The following BABAM1 variants were observed in gnomAD, a reference collection of about 807,000 sequenced individuals.
The protein encoded by BABAM1 is BRISC and BRCA1 A complex member 1.
In BABAM1, 14 loss-of-function variants were observed where a neutral mutation model predicts 34.4. The ratio of observed to expected loss-of-function variants is 0.41; its 90% CI spans 0.27 to 0.64. BABAM1 has a LOEUF of 0.64. BABAM1 is among the 30% of genes least tolerant of loss of function. The pLI is 0.34. For missense variants in BABAM1, 393 were observed against 434.0 expected, an observed-to-expected ratio of 0.91 and a Z score of 0.84; for synonymous variants, 169 against 165.8, an observed-to-expected ratio of 1.02 and a Z score of -0.15.
chr19:17,279,215 A>G lies in BABAM1; in HGVS notation c.*167A>G, dbSNP rs1240819339. On this transcript the variant is annotated 3_prime_UTR_variant, in exon 9 of 9. Coordinates refer to ENST00000598188, the MANE Select transcript of BABAM1 (RefSeq NM_014173.4). ...AACCCAGGATTCCAGGAGGGATCCC[A>G]GGAACTGTGGGCACCCATTTTCTGT... 1.6e-6 allele frequency: 1 copy of G among 637,306 alleles called. No homozygotes were observed. The highest frequency in any genetic ancestry group is 2.6e-6 in the Non-Finnish European group (1 of 389,514). 39.5% of individuals were successfully genotyped at this position (637,306 alleles called of 1,614,324 possible).
intron 3 of BABAM1, among the ~76,000 whole-genome samples, chr19:17,273,177 G>T (rs1437353491): frequency 6.6e-6 from 1 of 152,228 alleles, no homozygotes; most frequent in African/African-American, 2.4e-5. Context: ...CCAGGATTCG[G>T]ACCCAGGCCT....
At chr19:17,275,018 G>C (rs976629559) in intron 5 of BABAM1, among the ~76,000 whole-genome samples, 1 of 152,058 alleles carries the variant, frequency 6.6e-6, no homozygotes, top group Non-Finnish European at 1.5e-5. Context: ...CGATTCTCCT[G>C]CCTTAGCCTC....
intron 8 of BABAM1, chr19:17,277,194 T>G: frequency 3.5e-6 from 1 of 285,468 alleles, no homozygotes; most frequent in Non-Finnish European, 6.2e-6. Flanking sequence ...TTGCTTTTCT[T>G]TCTTCTTCTT....
chr19:17,274,766 G>A (rs1395700338), intron 5 of BABAM1, among the ~76,000 whole-genome samples: 2 of 152,132 alleles, frequency 1.3e-5, no homozygotes, highest in African/African-American at 4.8e-5. Context: ...GGACATAAAA[G>A]GCTCATGTGT....
intron 3 of BABAM1, among the ~76,000 whole-genome samples, chr19:17,272,142 T>C (rs550244803): frequency 1.3e-5 from 2 of 152,130 alleles, no homozygotes; most frequent in Admixed American, 6.5e-5. Flanking sequence ...AGTTTTGCCA[T>C]GTTGGCCAGG....
At chr19:17,276,400 A>G in intron 6 of BABAM1, 95 bp from the exon 7 acceptor site, 1 of 1,536,246 alleles carries the variant, frequency 6.5e-7, no homozygotes, top group Non-Finnish European at 8.8e-7. Flanking sequence ...GTGGGGCCTC[A>G]CCTGCCCGGT....
intron 8 of BABAM1, 46 bp downstream of exon 8, chr19:17,276,955 A>G (rs1568336402): frequency 2.6e-6 from 4 of 1,514,522 alleles, no homozygotes; most frequent in Non-Finnish European, 3.6e-6. Context: ...TGTGGACAGG[A>G]TGTCTTGGAA....
At chr19:17,272,705 C>T (rs1195256491) in intron 3 of BABAM1, among the ~76,000 whole-genome samples, 3 of 151,652 alleles carry the variant, frequency 2.0e-5, no homozygotes, top group East Asian at 4.0e-4. Flanking sequence ...CGCGCCCAGC[C>T]GACCCTGTCT....
chr19:17,275,476 GAC>G (rs1321737480), intron 5 of BABAM1, among the ~76,000 whole-genome samples: 2 of 152,038 alleles, frequency 1.3e-5, no homozygotes, highest in Middle Eastern at 3.2e-3. Flanking sequence ...TTTTAGTAGA[GAC>G]AGGGTTTCAC....
intron 5 of BABAM1, among the ~76,000 whole-genome samples, chr19:17,275,149 C>T (rs2073893464): frequency 6.6e-6 from 1 of 152,110 alleles, no homozygotes; most frequent in Non-Finnish European, 1.5e-5. Flanking sequence ...AAGTGATCAG[C>T]CCACCCCAGC....
intron 6 of BABAM1, among the ~76,000 whole-genome samples, chr19:17,276,132 A>G (rs912777439): frequency 3.3e-5 from 5 of 152,162 alleles, no homozygotes; most frequent in Non-Finnish European, 5.9e-5. Flanking sequence ...AGATCACCTG[A>G]GGTCAGGAGT....
intron 6 of BABAM1, 67 bp from the exon 7 acceptor site, chr19:17,276,428 C>T (rs1350794012): frequency 1.9e-6 from 3 of 1,552,370 alleles, no homozygotes; most frequent in Non-Finnish European, 2.6e-6. Context: ...TGGGGTCTCT[C>T]TCAGGGTGAT....
intron 5 of BABAM1, chr19:17,274,590 A>C: frequency 4.9e-6 from 1 of 202,282 alleles, no homozygotes; most frequent in East Asian, 1.2e-4. Context: ...AAAAGAAAGA[A>C]ATACCTGATT....
chr19:17,269,447 TTCA>T (rs1177623028), intron 2 of BABAM1, among the ~76,000 whole-genome samples: 2 of 147,070 alleles, frequency 1.4e-5, no homozygotes, highest in Non-Finnish European at 3.0e-5. Context: ...GCCTCCCGGG[TTCA>T]AGCAATTCTC....
chr19:17,276,276 A>T, intron 6 of BABAM1: 1 of 624,422 alleles, frequency 1.6e-6, no homozygotes, highest in Non-Finnish European at 2.7e-6. Flanking sequence ...TAGAGGTTGC[A>T]GTGAGCCGAG....
Position 17,273,888 on chromosome 19 carries a change from C to T in BABAM1, c.345-16C>T, listed in dbSNP as rs374414531. The T allele has an allele frequency of 1.2e-5, 19 of 1,592,780 alleles. No individual in the cohort carries two copies. Among genetic ancestry groups the T allele is most frequent in the Non-Finnish European group, 1.6e-5 (19 of 1,169,900 alleles). On this transcript the variant is annotated splice_polypyrimidine_tract_variant and intron_variant, in intron 3 of 8. Transcript: ENST00000598188. ...CTGAGGGAACCTTAATTCCCCTGTACTCTCTGCCTCCCCAGCTCCAAAACC... is the reference window on the plus strand; with the variant it reads ...CTGAGGGAACCTTAATTCCCCTGTATTCTCTGCCTCCCCAGCTCCAAAACC...
intron 8 of BABAM1, among the ~76,000 whole-genome samples, chr19:17,278,576 TG>T (rs767671142): frequency 8.6e-5 from 13 of 151,818 alleles, no homozygotes; most frequent in Non-Finnish European, 1.6e-4. Context: ...CCCAAAGTGC[TG>T]GGATTACAGG....
chr19:17,268,883 G>A lies in BABAM1; in HGVS notation c.77G>A (p.Arg26His), dbSNP rs758526214. ...EEEHSAEPRP[R>H]TRSNPEGAED... is the part of the protein sequence containing the mutation. Reference sequence around the variant, plus strand: ...GAGCACTCGGCAGAGCCTCGGCCCCGCACTCGCTCCAATCCTGAAGGGGCT... The same window carrying A: ...GAGCACTCGGCAGAGCCTCGGCCCCACACTCGCTCCAATCCTGAAGGGGCT... Residue 26 changes from arginine to histidine, a missense_variant, in exon 2 of 9, where the codon CGC (arginine) becomes CAC (histidine). Physicochemically the swap from Arg to His is conservative, Grantham distance 29. Coordinates refer to ENST00000598188, the MANE Select transcript of BABAM1 (RefSeq NM_014173.4). 2.9e-5 allele frequency: 47 copies of A among 1,596,320 alleles called. No individual in the cohort carries two copies. Among genetic ancestry groups the A allele is most frequent in the East Asian group, 1.1e-4 (5 of 43,994 alleles).
rs938055481 is a variant in BABAM1 at position 17,271,586 on chromosome 19, C to G, written c.286-11C>G. 2 of 1,613,392 alleles carry G rather than the reference C, an allele frequency of 1.2e-6. No homozygotes were observed. The highest frequency in any genetic ancestry group is 2.7e-5 in the African/African-American group (2 of 74,940). ...TCAGAGGACGCTCACCACCCTCCAACTACCTTGCAGATTATCTGCCTGGAC... is the reference window on the plus strand; with the variant it reads ...TCAGAGGACGCTCACCACCCTCCAAGTACCTTGCAGATTATCTGCCTGGAC... On this transcript the variant is annotated splice_polypyrimidine_tract_variant and intron_variant, in intron 2 of 8. Coordinates refer to ENST00000598188, the MANE Select transcript of BABAM1 (RefSeq NM_014173.4).
Sources: allele counts gnomAD v4.1 joint callset (sites outside exome capture counted in the v4.1 genomes callset), GRCh38; gene constraint gnomAD v4.1.1; transcripts MANE v1.5; gene names NCBI Gene and HGNC (gene_info 2026-07-23, HGNC 2026-07-21).